Variants in CRTC1 observed in about 807,000 individuals in gnomAD.
The protein encoded by CRTC1 is CREB regulated transcription coactivator 1, also known as CREB-regulated transcription coactivator 1.
Under a neutral mutation model 66.1 loss-of-function variants are expected in CRTC1, and 18 were observed. That is an observed-to-expected ratio of 0.27 (90% CI 0.19 to 0.40). The LOEUF (loss-of-function observed/expected upper bound fraction) is 0.40. Among genes scored for constraint, CRTC1 ranks in the 10% least tolerant of loss-of-function variants. CRTC1 has a pLI of 1.00. For synonymous variants in CRTC1, 416 were observed against 398.8 expected (o/e 1.04, Z -0.51); for missense variants, 669 against 887.9 (o/e 0.75, Z 3.13).
intron 1 of CRTC1, among the ~76,000 whole-genome samples, chr19:18,706,359 C>T (rs551488779): frequency 5.0e-4 from 76 of 151,668 alleles, no homozygotes; most frequent in African/African-American, 1.8e-3. Flanking sequence ...GTGCCCATCA[C>T]CACACTCAGC....
chr19:18,688,185 G>T (rs796660786), intron 1 of CRTC1, among the ~76,000 whole-genome samples: 14 of 152,240 alleles, frequency 9.2e-5, no homozygotes, highest in African/African-American at 3.4e-4. Context: ...CCCTCAGAAG[G>T]TGGCACACGC....
At chr19:18,763,460 G>A (rs188268960) in intron 8 of CRTC1, among the ~76,000 whole-genome samples, 10 of 152,346 alleles carry the variant, frequency 6.6e-5, no homozygotes, top group Admixed American at 3.9e-4. Flanking sequence ...GGGCCCTACC[G>A]TCTGGCCGAG....
Position 18,760,300 on chromosome 19 carries a change from C to T in CRTC1, c.886+72C>T. 7.8e-7 allele frequency: 1 copy of T among 1,279,218 alleles called. No homozygotes were observed. Among genetic ancestry groups the T allele is most frequent in the Non-Finnish European group, 1.1e-6 (1 of 917,466 alleles). 79.2% of individuals were successfully genotyped at this position (1,279,218 alleles called of 1,614,324 possible). On this transcript the variant is annotated intron_variant, in intron 8 of 13. Coordinates refer to ENST00000321949, the MANE Select transcript of CRTC1 (RefSeq NM_015321.3). This position sits in a 1 kb window ranked among gnomAD's most constrained non-coding sequence, Gnocchi z 6.2. The stretch of plus-strand genomic sequence containing the variant: ...GACAACACGGGCATCTGCAGGATGA[C>T]TTGGCAGAGTCCCGTTCCAAATACT...
At chr19:18,684,852 G>A (rs936964194) in intron 1 of CRTC1, among the ~76,000 whole-genome samples, 4 of 148,416 alleles carry the variant, frequency 2.7e-5, no homozygotes, top group Non-Finnish European at 4.4e-5. Flanking sequence ...GTCTGAGCAC[G>A]GCAAGGCACC....
intron 1 of CRTC1, among the ~76,000 whole-genome samples, chr19:18,724,008 C>T (rs1003358437): frequency 6.6e-6 from 1 of 152,206 alleles, no homozygotes; most frequent in African/African-American, 2.4e-5. Context: ...CTGTATGCTG[C>T]ACTTATGAGA....
Position 18,775,735 on chromosome 19 carries a change from G to A in CRTC1, c.1607G>A (p.Gly536Asp). 1 of 1,612,518 alleles carries A rather than the reference G, an allele frequency of 6.2e-7. No individual in the cohort carries two copies. The highest frequency in any genetic ancestry group is 8.5e-7 in the Non-Finnish European group (1 of 1,179,778). ...AACTACTCGCAGGCGGCCATGATGG[G>A]CCTCACGGGCAGCCACGGGAGCCTG... is the stretch of plus-strand genomic sequence containing the variant. ...TLNYSQAAMM[G>D]LTGSHGSLPD... is the part of the protein sequence containing the mutation. The change falls in exon 13 of 14, where the codon GGC (glycine) becomes GAC (aspartate). Residue 536 changes from glycine to aspartate, a missense_variant. This residue lies in a region of CRTC1 where 79 missense variants were observed against 100.1 expected (regional missense o/e 0.79). Transcript: ENST00000321949.
intron 6 of CRTC1, among the ~76,000 whole-genome samples, chr19:18,756,227 G>A (rs565159634): frequency 2.0e-5 from 3 of 151,556 alleles, no homozygotes; most frequent in Non-Finnish European, 4.4e-5. Context: ...CAGCTACTTG[G>A]GAGGTTGGGA....
intron 11 of CRTC1, among the ~76,000 whole-genome samples, chr19:18,774,689 C>T (rs1337144782): frequency 3.3e-5 from 5 of 152,126 alleles, no homozygotes; most frequent in Non-Finnish European, 5.9e-5. Context: ...AAGGGGCTTT[C>T]GGGTTGCAGA....
At position 18,765,505 on chromosome 19, in the gene CRTC1, T is replaced by C; in HGVS notation, c.988T>C (p.Ser330Pro). The C allele has an allele frequency of 6.2e-7, 1 of 1,607,080 alleles. No individual in the cohort carries two copies. Among genetic ancestry groups the C allele is most frequent in the Non-Finnish European group, 8.5e-7 (1 of 1,179,096 alleles). The stretch of plus-strand genomic sequence containing the variant: ...GCGTCAGCAGGCATCGCCCACCCTG[T>C]CCCCGCTGTCACCCATCACTCAGGT... ...ARRQQASPTLSPLSPITQAVA... is the reference protein window; with the variant it reads ...ARRQQASPTLPPLSPITQAVA... The change falls in exon 9 of 14, where the codon TCC (serine) becomes CCC (proline). Residue 330 changes from serine to proline, a missense_variant. Physicochemically the swap from Ser to Pro is moderately conservative, Grantham distance 74. Around this residue, in one of 8 missense-constraint regions of CRTC1, gnomAD observed 241 missense variants for 242.2 expected, o/e 0.99. Coordinates refer to ENST00000321949, the MANE Select transcript of CRTC1 (RefSeq NM_015321.3).
Position 18,745,887 on chromosome 19 carries a change from G to A in CRTC1, c.308G>A (p.Arg103Lys), listed in dbSNP as rs2054223548. The A allele has an allele frequency of 6.2e-7, 1 of 1,613,492 alleles. No individual in the cohort carries two copies. Among genetic ancestry groups the A allele is most frequent in the Admixed American group, 1.7e-5 (1 of 60,004 alleles). Reference protein sequence around the residue: ...RTTRHHGLVDRVYRERGRLGS... With the variant: ...RTTRHHGLVDKVYRERGRLGS... ...ACCCGGCACCATGGGCTGGTGGACA[G>A]GGTGTACCGGGAGCGTGGCCGGCTC... Residue 103 changes from arginine (R) to lysine (K), a missense_variant, in exon 3 of 14, where the codon AGG becomes AAG. Physicochemically the swap from Arg to Lys is conservative, Grantham distance 26 (BLOSUM62 2). Around this residue, in one of 8 missense-constraint regions of CRTC1, gnomAD observed 214 missense variants for 323.4 expected, o/e 0.66. Coordinates refer to ENST00000321949, the MANE Select transcript of CRTC1 (RefSeq NM_015321.3).
intron 7 of CRTC1, 43 bp downstream of exon 7, chr19:18,759,634 G>A (rs371135156): frequency 3.0e-5 from 48 of 1,601,518 alleles, no homozygotes; most frequent in African/African-American, 2.1e-4. Context: ...CATCTGCTGC[G>A]CTGCTCCGTC....
chr19:18,778,289 GT>G lies in CRTC1; in HGVS notation c.*916del, dbSNP rs372231392. 319 of 230,966 alleles carry G rather than the reference GT, an allele frequency of 1.4e-3. 2 individuals are homozygous for G. Among genetic ancestry groups the G allele is most frequent in the African/African-American group, 6.3e-3 (286 of 45,102 alleles). 14.3% of individuals were successfully genotyped at this position (230,966 alleles called of 1,614,324 possible). A position where few individuals can be genotyped will look rare whatever the true frequency, so the allele number is the denominator to read the frequency against. Reference sequence around the variant, plus strand: ...AGGTGGCCAGGGGAGTTTCATTGTGGTTTTTTTTTCCTTTTAGTTTCTAGTT... The same window carrying G: ...AGGTGGCCAGGGGAGTTTCATTGTGGTTTTTTTTCCTTTTAGTTTCTAGTT... On this transcript the variant is annotated 3_prime_UTR_variant, in exon 14 of 14. Coordinates refer to ENST00000321949, the MANE Select transcript of CRTC1 (RefSeq NM_015321.3).
intron 11 of CRTC1, among the ~76,000 whole-genome samples, chr19:18,772,387 A>G (rs2054889790): frequency 6.6e-6 from 1 of 152,158 alleles, no homozygotes; most frequent in African/African-American, 2.4e-5. Flanking sequence ...TTACCCTGGC[A>G]GCAGAGCCTC....
At chr19:18,774,270 AG>A (rs2054935002) in intron 11 of CRTC1, among the ~76,000 whole-genome samples, 1 of 152,156 alleles carries the variant, frequency 6.6e-6, no homozygotes, top group Non-Finnish European at 1.5e-5. Flanking sequence ...AAGGTCCCCT[AG>A]CCCCCTGCTC....
chr19:18,771,006 A>G lies in CRTC1; in HGVS notation c.1321-436A>G, dbSNP rs1007018308. Among the ~76,000 whole-genome samples, 2 of 151,618 alleles carry G rather than the reference A, an allele frequency of 1.3e-5. No individual in the cohort carries two copies. Among genetic ancestry groups the G allele is most frequent in the African/African-American group, 4.9e-5 (2 of 41,192 alleles). On this transcript the variant is annotated intron_variant, in intron 10 of 13. Coordinates refer to ENST00000321949, the MANE Select transcript of CRTC1 (RefSeq NM_015321.3). The surrounding 1 kb of genome is among the most constrained non-coding windows in gnomAD (Gnocchi z 4.6). ...TGGGTGTGCATGCATGGGCATGTAC[A>G]TTCATGTGTGGATATGTGCACATGT...
At chr19:18,752,147 C>CAA (rs35618318) in intron 5 of CRTC1, among the ~76,000 whole-genome samples, 1,875 of 90,534 alleles carry the variant, frequency 0.021, 27 homozygotes, top group African/African-American at 0.046. Context: ...AAGACTGTCT[C>CAA]AAAAAAAAAA....
At chr19:18,700,899 C>T (rs894834350) in intron 1 of CRTC1, among the ~76,000 whole-genome samples, 43 of 152,354 alleles carry the variant, frequency 2.8e-4, no homozygotes, top group South Asian at 8.3e-4. Flanking sequence ...CTCCCTGCTG[C>T]GTTACACCAT....
intron 1 of CRTC1, among the ~76,000 whole-genome samples, chr19:18,725,866 C>T (rs1226627229): frequency 3.3e-5 from 5 of 152,340 alleles, no homozygotes; most frequent in Non-Finnish European, 4.4e-5. Flanking sequence ...CCGTGTGTCG[C>T]GCTTCCGGGG....
chr19:18,747,087 C>T lies in CRTC1; in HGVS notation c.416C>T (p.Ser139Leu), dbSNP rs771414495. The change falls in exon 4 of 14, where the codon TCA becomes TTA. Residue 139 changes from serine (S) to leucine (L), a missense_variant. Transcript: ENST00000321949. Reference sequence around the variant, plus strand: ...TGCCCCTATGGCACCATGTACCTCTCACCACCCGCGGACACCAGCTGGAGA... The same window carrying T: ...TGCCCCTATGGCACCATGTACCTCTTACCACCCGCGGACACCAGCTGGAGA... ...DSCPYGTMYLSPPADTSWRRT... is the reference protein window; with the variant it reads ...DSCPYGTMYLLPPADTSWRRT... 3 of 1,612,886 alleles carry T rather than the reference C, an allele frequency of 1.9e-6. No homozygotes were observed. Among genetic ancestry groups the T allele is most frequent in the South Asian group, 2.2e-5 (2 of 90,984 alleles).
Sources: allele counts gnomAD v4.1 joint callset (sites outside exome capture counted in the v4.1 genomes callset), GRCh38; gene constraint gnomAD v4.1.1; regional missense constraint gnomAD v4.1.1; non-coding constraint Gnocchi (gnomAD v3.1); transcripts MANE v1.5; gene names NCBI Gene and HGNC (gene_info 2026-07-23, HGNC 2026-07-21).